The following MTHFD1L variants were observed in gnomAD, a reference collection of about 807,000 sequenced individuals.
MTHFD1L encodes the protein monofunctional C1-tetrahydrofolate synthase, mitochondrial.
In MTHFD1L, 81 loss-of-function variants were observed where a neutral mutation model predicts 119.5. The ratio of observed to expected loss-of-function variants is 0.68; its 90% CI spans 0.57 to 0.82. The LOEUF is 0.82. Ranked by LOEUF, MTHFD1L falls within the 40% of genes least tolerant of loss-of-function variation. MTHFD1L has a pLI of 0.00. For missense variants in MTHFD1L, 1,125 were observed against 1,253.4 expected, an observed-to-expected ratio of 0.90 and a Z score of 1.55; for synonymous variants, 430 against 475.2, an observed-to-expected ratio of 0.90 and a Z score of 1.24.
chr6:150,963,620 G>A (rs1366803101), intron 18 of MTHFD1L, among the ~76,000 whole-genome samples: 6 of 152,118 alleles, frequency 3.9e-5, no homozygotes, highest in East Asian at 1.9e-4. Context: ...ATAAAAGTAC[G>A]GGGAGAATGT....
chr6:150,889,399 G>A lies in MTHFD1L; in HGVS notation c.780+1418G>A, dbSNP rs551995656. 3.7e-4 allele frequency among the ~76,000 whole-genome samples: 57 copies of A among 152,212 alleles called. 1 individual carries two copies. In the South Asian group the frequency reaches 0.012, roughly 32 times the overall value. On this transcript the variant is annotated intron_variant, in intron 7 of 27. Transcript: ENST00000367321. ...AAGGATAGCTTAAGAGACCCCAAAAGCACAGATTGCTAAAGAAAAGGTATA... is the reference window on the plus strand; with the variant it reads ...AAGGATAGCTTAAGAGACCCCAAAAACACAGATTGCTAAAGAAAAGGTATA...
chr6:150,929,262 C>T (rs1001676618), intron 11 of MTHFD1L, among the ~76,000 whole-genome samples: 2 of 152,188 alleles, frequency 1.3e-5, no homozygotes, highest in African/African-American at 4.8e-5. Context: ...CTTGAAAAAG[C>T]ATTTGATTTG....
Position 150,918,653 on chromosome 6 carries a change from A to C in MTHFD1L, c.969A>C (p.Ala323=), listed in dbSNP as rs772340450. Residue 323 remains alanine (A), a synonymous_variant, in exon 9 of 28, where the codon GCA becomes GCC. Transcript: ENST00000367321. ...IEEDDVILLA[A]ALRIQNMVSS... ...AAGATGATGTGATTCTCCTTGCTGC[A>C]GCTCTGCGAATTCAGGTTTGTTCAA... is the stretch of plus-strand genomic sequence containing the variant. The C allele has an allele frequency of 1.2e-4, 190 of 1,613,946 alleles. No homozygotes were observed. The highest frequency in any genetic ancestry group is 1.5e-4 in the Non-Finnish European group (175 of 1,179,904).
intron 20 of MTHFD1L, among the ~76,000 whole-genome samples, chr6:150,985,901 A>G (rs1169448021): frequency 6.6e-6 from 1 of 152,166 alleles, no homozygotes; most frequent in Non-Finnish European, 1.5e-5. Context: ...ATTGTCGACA[A>G]ACAATGCAGA....
intron 20 of MTHFD1L, among the ~76,000 whole-genome samples, chr6:151,007,196 C>T (rs1781525676): frequency 6.6e-6 from 1 of 151,920 alleles, no homozygotes; most frequent in Non-Finnish European, 1.5e-5. Flanking sequence ...ACTTGATTCT[C>T]AGAGCCTGAC....
chr6:150,885,249 T>C (rs898397283), intron 5 of MTHFD1L, among the ~76,000 whole-genome samples: 2 of 149,156 alleles, frequency 1.3e-5, no homozygotes, highest in Non-Finnish European at 3.0e-5. Flanking sequence ...CAGGCTGGAG[T>C]GCAGTGGCAT....
intron 26 of MTHFD1L, among the ~76,000 whole-genome samples, chr6:151,080,231 T>C (rs146560677): frequency 2.0e-5 from 3 of 152,308 alleles, no homozygotes; most frequent in East Asian, 3.9e-4. Flanking sequence ...GTATTTTTAA[T>C]ATACTGTGTA....
In MTHFD1L at chr6:150,926,360, C is replaced by G. The variant is rs777066092; in HGVS notation, c.1256+65C>G. 7.0e-6 allele frequency: 10 copies of G among 1,425,764 alleles called. No individual in the cohort carries two copies. The highest frequency in any genetic ancestry group is 9.7e-6 in the Non-Finnish European group (10 of 1,031,260). 88.3% of individuals were successfully genotyped at this position (1,425,764 alleles called of 1,614,324 possible). A position where few individuals can be genotyped will look rare whatever the true frequency, so the allele number is the denominator to read the frequency against. ...ATTTACAAAACTCTTCCCTATTTAT[C>G]TCTCTCCTCGTACCCCTCAATCCAT... On this transcript the variant is annotated intron_variant, in intron 11 of 27. Transcript: ENST00000367321. This position sits in a 1 kb window ranked among gnomAD's most constrained non-coding sequence, Gnocchi z 4.3.
intron 25 of MTHFD1L, among the ~76,000 whole-genome samples, chr6:151,035,805 G>GT (rs576053000): frequency 6.6e-6 from 1 of 151,874 alleles, no homozygotes; most frequent in African/African-American, 2.4e-5. Context: ...ATATTGGTTG[G>GT]TTTTTTTCTT....
At chr6:151,010,737 A>G (rs1782093280) in intron 21 of MTHFD1L, among the ~76,000 whole-genome samples, 1 of 151,888 alleles carries the variant, frequency 6.6e-6, no homozygotes, top group African/African-American at 2.4e-5. Context: ...AGTGGAGAAT[A>G]AGACATTTTA....
intron 17 of MTHFD1L, among the ~76,000 whole-genome samples, chr6:150,958,195 C>A (rs9371485): frequency 0.28 from 43,004 of 151,798 alleles, 6,398 homozygotes; most frequent in East Asian, 0.49. Context: ...TATTTAAGAG[C>A]TTTAACTGCT....
At chr6:151,010,219 C>G in intron 21 of MTHFD1L, among the ~76,000 whole-genome samples, 1 of 152,084 alleles carries the variant, frequency 6.6e-6, no homozygotes, top group Non-Finnish European at 1.5e-5. Context: ...ACAGTTCTTT[C>G]TAAACAATAT....
At chr6:151,059,412 G>A (rs1276755729) in intron 26 of MTHFD1L, among the ~76,000 whole-genome samples, 1 of 151,554 alleles carries the variant, frequency 6.6e-6, no homozygotes, top group Non-Finnish European at 1.5e-5. Flanking sequence ...CCTGACCTCA[G>A]GTGATCCGCT....
In MTHFD1L at chr6:150,898,932, G is replaced by T. The variant is rs1466341447; in HGVS notation, c.781-6718G>T. 3 of 1,060,056 alleles carry T rather than the reference G, an allele frequency of 2.8e-6. No homozygotes were observed. The South Asian group carries it at 7.8e-5, about 28-fold the overall frequency. The allele number at this position is 1,060,056 out of a possible 1,614,324, so 65.7% of individuals were successfully genotyped here. A position where few individuals can be genotyped will look rare whatever the true frequency, so the allele number is the denominator to read the frequency against. On this transcript the variant is annotated intron_variant, in intron 7 of 27. Coordinates refer to ENST00000367321, the MANE Select transcript of MTHFD1L (RefSeq NM_015440.5). ...GGCTCACTGCAAGCTCTGCCTCCCA[G>T]GTTGAAGTGATTCTCCTGTGAAAGG...
chr6:151,045,064 T>C (rs1033926022), intron 26 of MTHFD1L, among the ~76,000 whole-genome samples: 4 of 152,176 alleles, frequency 2.6e-5, no homozygotes, highest in African/African-American at 9.7e-5. Flanking sequence ...GTGAACTCAG[T>C]GGGGAGGTGT....
chr6:151,031,446 C>T (rs756423753), intron 24 of MTHFD1L, among the ~76,000 whole-genome samples: 38 of 152,312 alleles, frequency 2.5e-4, no homozygotes, highest in East Asian at 1.9e-4. Context: ...CAGGTAGGAG[C>T]GCCCCAAGGG....
At chr6:150,987,387 G>A (rs1279134422) in intron 20 of MTHFD1L, among the ~76,000 whole-genome samples, 1 of 152,194 alleles carries the variant, frequency 6.6e-6, no homozygotes, top group African/African-American at 2.4e-5. Flanking sequence ...TAATGCATAT[G>A]GTGCTGTTCC....
intron 9 of MTHFD1L, among the ~76,000 whole-genome samples, chr6:150,919,235 T>C (rs113444990): frequency 6.6e-6 from 1 of 152,012 alleles, no homozygotes; most frequent in East Asian, 1.9e-4. Flanking sequence ...TTCTTTTTTT[T>C]CCCCTTGGGA....
chr6:150,977,569 A>G (rs1300489385), intron 20 of MTHFD1L, among the ~76,000 whole-genome samples: 1 of 152,252 alleles, frequency 6.6e-6, no homozygotes, highest in Non-Finnish European at 1.5e-5. Flanking sequence ...ATAAAGCAAA[A>G]GGAAAGAAAG....
Sources: gnomAD v4.1 joint callset for allele counts (sites outside exome capture counted in the v4.1 genomes callset) on GRCh38, gnomAD v4.1.1 for gene constraint, Gnocchi (gnomAD v3.1) non-coding constraint, MANE v1.5 for transcripts, NCBI Gene and HGNC (gene_info 2026-07-23, HGNC 2026-07-21) for gene names.